The following PDXK variants were observed in gnomAD, a reference collection of about 807,000 sequenced individuals.
The protein encoded by PDXK is epididymis secretory sperm binding protein Li 1a.
Under a neutral mutation model 43.2 loss-of-function variants are expected in PDXK, and 15 were observed. The ratio of observed to expected loss-of-function variants is 0.35; its 90% CI spans 0.23 to 0.53. The LOEUF is 0.53. PDXK is among the 20% of genes least tolerant of loss of function. PDXK has a pLI of 0.92. For missense variants in PDXK, 343 were observed against 417.0 expected (o/e 0.82, Z 1.54); for synonymous variants, 172 against 165.4 (o/e 1.04, Z -0.31).
chr21:43,753,268 A>ACACACATGCACACACACT (rs1452475451), intron 8 of PDXK, among the ~76,000 whole-genome samples: 1 of 152,140 alleles, frequency 6.6e-6, no homozygotes, highest in African/African-American at 2.4e-5. Flanking sequence ...GGGCACACGC[A>ACACACATGCACACACACT]CACACATGCA....
intron 1 of PDXK, among the ~76,000 whole-genome samples, chr21:43,726,597 G>A (rs1363483218): frequency 1.3e-5 from 2 of 151,976 alleles, no homozygotes; most frequent in African/African-American, 4.8e-5. Flanking sequence ...TGGTAGAGAC[G>A]GGGTTTCACC....
rs143753744 is a variant in PDXK, at chr21:43,740,267, C to T, written c.143-1400C>T. ...TTCCAGCGGGAGCCAGCGACTGGTA[C>T]GCAGGAGGGCCCTCAGGGGCAGGAG... On this transcript the variant is annotated intron_variant, in intron 2 of 10. Transcript: ENST00000291565. 3.7e-3 allele frequency among the ~76,000 whole-genome samples: 567 copies of T among 152,248 alleles called. 9 individuals carry two copies. Among genetic ancestry groups the T allele is most frequent in the African/African-American group, 0.011 (475 of 41,582 alleles).
chr21:43,756,912 A>C lies in PDXK; in HGVS notation c.*849A>C, dbSNP rs2083861682. On this transcript the variant is annotated 3_prime_UTR_variant, in exon 11 of 11. Transcript: ENST00000291565. ...AAGCTCCCCTCATCCGTGGTGCAGC[A>C]GGCTGAGCACTGCGCGTTTGCCACG... 1 of 152,448 alleles carries C rather than the reference A, an allele frequency of 6.6e-6. No individual in the cohort carries two copies. The highest frequency in any genetic ancestry group is 2.4e-5 in the African/African-American group (1 of 41,478). The allele number at this position is 152,448 out of a possible 1,614,324, so 9.4% of individuals were successfully genotyped here.
At chr21:43,733,246 CA>C (rs2083344597) in intron 1 of PDXK, among the ~76,000 whole-genome samples, 25 of 69,650 alleles carry the variant, frequency 3.6e-4, no homozygotes, top group Middle Eastern at 6.1e-3. Context: ...AGCCCCTCCC[CA>C]TCCCCACCCC....
At chr21:43,728,979 C>G in intron 1 of PDXK, 1 of 985,670 alleles carries the variant, frequency 1.0e-6, no homozygotes, top group Non-Finnish European at 1.2e-6. Context: ...CTGGCTTTCT[C>G]TCTCGGCAGG....
chr21:43,739,376 C>T (rs532308680), intron 2 of PDXK, among the ~76,000 whole-genome samples: 69 of 152,216 alleles, frequency 4.5e-4, no homozygotes, highest in African/African-American at 1.6e-3. Flanking sequence ...CACTACCGGA[C>T]GTTGGATACA....
At chr21:43,728,438 C>G (rs988750480) in intron 1 of PDXK, among the ~76,000 whole-genome samples, 4 of 152,184 alleles carry the variant, frequency 2.6e-5, no homozygotes, top group Non-Finnish European at 5.9e-5. Flanking sequence ...GCTCACCCTG[C>G]TCTCCCCTGG....
At chr21:43,750,595 G>A (rs1444100340) in intron 7 of PDXK, 50 bp downstream of exon 7, 4 of 1,461,208 alleles carry the variant, frequency 2.7e-6, no homozygotes, top group African/African-American at 1.4e-5. Context: ...CGCTCACGGT[G>A]GGGACGGGAG....
intron 8 of PDXK, 29 bp downstream of exon 8, chr21:43,752,658 G>A (rs781597860): frequency 1.1e-5 from 14 of 1,328,066 alleles, no homozygotes; most frequent in African/African-American, 2.9e-5. Flanking sequence ...CACCGTGGCC[G>A]CCTCTGCTCT....
At chr21:43,755,606 C>T in intron 9 of PDXK, 92 bp from the exon 10 acceptor site, 2 of 1,096,444 alleles carry the variant, frequency 1.8e-6, no homozygotes, top group African/African-American at 1.5e-5. Flanking sequence ...CAGGACGGCC[C>T]TTGTGTTCCC....
At chr21:43,752,904 C>T (rs1170532384) in intron 8 of PDXK, among the ~76,000 whole-genome samples, 1 of 152,096 alleles carries the variant, frequency 6.6e-6, no homozygotes, top group Non-Finnish European at 1.5e-5. Flanking sequence ...ACTGGGAGGA[C>T]GCGTCCACCC....
chr21:43,737,120 G>A lies in PDXK; in HGVS notation c.142+2997G>A, dbSNP rs558462976. The A allele has an allele frequency of 1.5e-3, 1,654 of 1,130,410 alleles. 21 individuals carry two copies. The highest frequency in any genetic ancestry group is 3.5e-3 in the Middle Eastern group (18 of 5,200). 70.0% of individuals were successfully genotyped at this position (1,130,410 alleles called of 1,614,324 possible). On this transcript the variant is annotated intron_variant, in intron 2 of 10. Coordinates refer to ENST00000291565, the MANE Select transcript of PDXK (RefSeq NM_003681.5). This position sits in a 1 kb window ranked among gnomAD's most constrained non-coding sequence, Gnocchi z 4.8. Reference sequence around the variant, plus strand: ...CCTCCTGCCCAGGGTTGTTACTGGGGTGGTCACGTGGGCAGCTTCTGCCTG... The same window carrying A: ...CCTCCTGCCCAGGGTTGTTACTGGGATGGTCACGTGGGCAGCTTCTGCCTG...
chr21:43,743,034 A>G (rs879280938), intron 3 of PDXK, among the ~76,000 whole-genome samples: 2 of 151,894 alleles, frequency 1.3e-5, no homozygotes, highest in East Asian at 3.9e-4. Context: ...AACTGTGAGG[A>G]CACCTCGTTT....
chr21:43,729,945 A>T (rs2083296488), intron 1 of PDXK, among the ~76,000 whole-genome samples: 1 of 152,068 alleles, frequency 6.6e-6, no homozygotes, highest in South Asian at 2.1e-4. Context: ...TCCTGTCTCA[A>T]AAAAAGAAAA....
At chr21:43,719,588 C>T in intron 1 of PDXK, 2 of 984,470 alleles carry the variant, frequency 2.0e-6, no homozygotes, top group African/African-American at 1.7e-5. Flanking sequence ...TCTGCGGGCC[C>T]CTGCGGGTGG....
intron 1 of PDXK, among the ~76,000 whole-genome samples, chr21:43,729,899 G>A (rs538625435): frequency 2.0e-5 from 3 of 152,042 alleles, no homozygotes; most frequent in Non-Finnish European, 4.4e-5. Context: ...AGCTGAGATT[G>A]TGCCGCTGGA....
chr21:43,728,592 T>C (rs1379964520), intron 1 of PDXK: 1 of 416,456 alleles, frequency 2.4e-6, no homozygotes, highest in Non-Finnish European at 3.2e-6. Context: ...TCACGTAGTG[T>C]CTGGCTGTCT....
At position 43,751,026 on chromosome 21, in the gene PDXK, TG is replaced by T. The variant is rs1446543553; in HGVS notation, c.510+486del. ...TTGTAAGGCGGTGGCTTGAGCTGTG[TG>T]GGGGCTCCTGGGCATGTTTGGGATT... On this transcript the variant is annotated intron_variant, in intron 7 of 10. Coordinates refer to ENST00000291565, the MANE Select transcript of PDXK (RefSeq NM_003681.5). Among the ~76,000 whole-genome samples the T allele has an allele frequency of 5.3e-5, 8 of 152,268 alleles. 1 individual carries two copies. The highest frequency in any genetic ancestry group is 1.9e-4 in the African/African-American group (8 of 41,562).
At chr21:43,726,109 T>A (rs1479456547) in intron 1 of PDXK, among the ~76,000 whole-genome samples, 2 of 152,116 alleles carry the variant, frequency 1.3e-5, no homozygotes, top group Non-Finnish European at 2.9e-5. Context: ...GTTTCTGGTA[T>A]TTCTTCTTTT....
Sources: allele counts gnomAD v4.1 joint callset (sites outside exome capture counted in the v4.1 genomes callset), GRCh38; gene constraint gnomAD v4.1.1; non-coding constraint Gnocchi (gnomAD v3.1); transcripts MANE v1.5; gene names NCBI Gene and HGNC (gene_info 2026-07-23, HGNC 2026-07-21).